Variants in SAMD5 observed in about 807,000 individuals in gnomAD.
The protein encoded by SAMD5 is sterile alpha motif domain-containing protein 5.
A neutral mutation model predicts 11.3 loss-of-function variants in SAMD5; 13 were observed. The observed-to-expected ratio is 1.15, with a 90% CI of 0.75 to 1.83. The LOEUF is 1.83. SAMD5 is among the 40% of genes most tolerant of loss of function. The pLI, the probability that SAMD5 is intolerant of heterozygous loss-of-function variation, is 0.00. For synonymous variants in SAMD5, 129 were observed against 111.3 expected, an observed-to-expected ratio of 1.16 and a Z score of -1.00; for missense variants, 255 against 239.1, an observed-to-expected ratio of 1.07 and a Z score of -0.44.
chr6:147,835,473 C>T, the SAMD5 span, among the ~76,000 whole-genome samples: 1 of 152,124 alleles, frequency 6.6e-6, no homozygotes, highest in Non-Finnish European at 1.5e-5. Context: ...ATGAATGCAG[C>T]CTCCAGTCAT....
At position 147,531,501 on chromosome 6, in the gene SAMD5, G is replaced by C. The variant is rs560185643; in HGVS notation, c.459+22114G>C. Among the ~76,000 whole-genome samples, 165 of 152,278 alleles carry C rather than the reference G, an allele frequency of 1.1e-3. 2 individuals carry two copies. The highest frequency in any genetic ancestry group is 1.2e-3 in the Non-Finnish European group (80 of 67,994). ...ACTCATCTCATCTGCCCCAGGCCCG[G>C]CATAATGCCTGGTACCTGGCGGGCA... On this transcript the variant is annotated intron_variant, in intron 1 of 1. Coordinates refer to ENST00000367474, the MANE Select transcript of SAMD5 (RefSeq NM_001030060.3).
chr6:147,620,437 T>C (rs895866069), intron 1 of SAMD5, among the ~76,000 whole-genome samples: 4 of 152,240 alleles, frequency 2.6e-5, no homozygotes, highest in Non-Finnish European at 4.4e-5. Context: ...TCTATGCCTG[T>C]AACCTGTATT....
At chr6:147,846,066 C>T in the SAMD5 span, among the ~76,000 whole-genome samples, 6 of 151,788 alleles carry the variant, frequency 4.0e-5, no homozygotes, top group East Asian at 1.2e-3. Context: ...ATGATCGATA[C>T]ACACCATGAC....
At chr6:147,592,969 G>A (rs1351536763) in intron 1 of SAMD5, among the ~76,000 whole-genome samples, 1 of 152,136 alleles carries the variant, frequency 6.6e-6, no homozygotes, top group Non-Finnish European at 1.5e-5. Flanking sequence ...GGATCATGTA[G>A]TCTAGGTGTT....
intron 1 of SAMD5, among the ~76,000 whole-genome samples, chr6:147,514,383 A>G (rs1352039713): frequency 2.0e-5 from 3 of 151,530 alleles, no homozygotes; most frequent in African/African-American, 2.4e-5. Flanking sequence ...AGAACATTGT[A>G]TTAATATAGA....
chr6:147,891,617 ATTG>A, the SAMD5 span, among the ~76,000 whole-genome samples: 1 of 152,136 alleles, frequency 6.6e-6, no homozygotes, highest in Non-Finnish European at 1.5e-5. Flanking sequence ...TTTCCAGCTG[ATTG>A]TTAAGGACAG....
intron 1 of SAMD5, among the ~76,000 whole-genome samples, chr6:147,538,949 A>T (rs1788556618): frequency 6.6e-6 from 1 of 152,166 alleles, no homozygotes; most frequent in Admixed American, 6.5e-5. Context: ...CATCACCCAC[A>T]CACACAACAC....
chr6:147,888,694 C>T, the SAMD5 span, among the ~76,000 whole-genome samples: 1 of 151,870 alleles, frequency 6.6e-6, no homozygotes, highest in Non-Finnish European at 1.5e-5. Context: ...ACCAGCCTGA[C>T]CAACATGGTG....
At chr6:147,914,477 C>G in the SAMD5 span, among the ~76,000 whole-genome samples, 1 of 152,102 alleles carries the variant, frequency 6.6e-6, no homozygotes, top group African/African-American at 2.4e-5. Flanking sequence ...AGGAGGAATT[C>G]ATGCCTCCCT....
At chr6:147,905,012 G>A in the SAMD5 span, among the ~76,000 whole-genome samples, 114 of 151,080 alleles carry the variant, frequency 7.5e-4, no homozygotes, top group African/African-American at 2.4e-3. Flanking sequence ...CCTCAGCCTC[G>A]TGAGTAGCTA....
At chr6:147,691,994 C>CA (rs35068111) in intron 1 of SAMD5, among the ~76,000 whole-genome samples, 75,979 of 150,674 alleles carry the variant, frequency 0.5, 19,656 homozygotes, top group Admixed American at 0.58. Flanking sequence ...CACACACACA[C>CA]CCCCCTGATT....
At chr6:147,892,121 C>T in the SAMD5 span, among the ~76,000 whole-genome samples, 3 of 152,206 alleles carry the variant, frequency 2.0e-5, no homozygotes, top group Non-Finnish European at 2.9e-5. Flanking sequence ...TCCTTCCTCT[C>T]TCCCTCTCTT....
At chr6:147,545,176 T>C (rs1788666038) in intron 1 of SAMD5, among the ~76,000 whole-genome samples, 1 of 152,214 alleles carries the variant, frequency 6.6e-6, no homozygotes, top group Non-Finnish European at 1.5e-5. Context: ...AAGCTGCTTA[T>C]TAGTTATGGT....
At chr6:147,821,288 G>A in the SAMD5 span, among the ~76,000 whole-genome samples, 1 of 152,136 alleles carries the variant, frequency 6.6e-6, no homozygotes, top group South Asian at 2.1e-4. Flanking sequence ...GGTGCTTTTT[G>A]TTTTGAGTAG....
the SAMD5 span, among the ~76,000 whole-genome samples, chr6:147,789,663 A>AT: frequency 1.3e-4 from 19 of 151,858 alleles, no homozygotes; most frequent in African/African-American, 3.1e-4. Flanking sequence ...GATTTCGTTG[A>AT]TTTTTTCTGT....
In SAMD5 at chr6:147,569,241, G is replaced by GA. The variant is rs1367199101; in HGVS notation, c.*4791dup. On this transcript the variant is annotated 3_prime_UTR_variant, in exon 2 of 2. Coordinates refer to ENST00000367474, the MANE Select transcript of SAMD5 (RefSeq NM_001030060.3). Reference sequence around the variant, plus strand: ...GTCTAAAAAAAAAAAAAAAAGAAAAGAAAAAAGAAAAATTGAAGAACATAA... The same window carrying GA: ...GTCTAAAAAAAAAAAAAAAAGAAAAGAAAAAAAGAAAAATTGAAGAACATAA... The GA allele has an allele frequency of 1.7e-4, 53 of 317,396 alleles. No homozygotes were observed. Among genetic ancestry groups the GA allele is most frequent in the African/African-American group, 1.2e-3 (51 of 43,554 alleles). The allele number at this position is 317,396 out of a possible 1,614,324, so 19.7% of individuals were successfully genotyped here. A position where few individuals can be genotyped will look rare whatever the true frequency, so the allele number is the denominator to read the frequency against.
At chr6:147,836,924 A>T in the SAMD5 span, among the ~76,000 whole-genome samples, 1 of 152,204 alleles carries the variant, frequency 6.6e-6, no homozygotes, top group Non-Finnish European at 1.5e-5. Flanking sequence ...AATGATAGAT[A>T]TTTTGCTCAT....
chr6:147,811,006 A>T, the SAMD5 span, among the ~76,000 whole-genome samples: 1 of 152,220 alleles, frequency 6.6e-6, no homozygotes, highest in Non-Finnish European at 1.5e-5. Flanking sequence ...ACAAGGTGCT[A>T]TGTGTTGCTT....
intron 1 of SAMD5, among the ~76,000 whole-genome samples, chr6:147,677,347 G>A (rs1044167356): frequency 6.6e-6 from 1 of 152,084 alleles, no homozygotes; most frequent in African/African-American, 2.4e-5. Flanking sequence ...AAAGTGGTGT[G>A]GTAAGGAACT....
Sources: allele counts gnomAD v4.1 joint callset (sites outside exome capture counted in the v4.1 genomes callset), GRCh38; gene constraint gnomAD v4.1.1; transcripts MANE v1.5; gene names NCBI Gene and HGNC (gene_info 2026-07-23, HGNC 2026-07-21).